The following SH3PXD2B variants were observed in gnomAD, a reference collection of about 807,000 sequenced individuals.
The protein encoded by SH3PXD2B is SH3 and PX domains 2B.
In SH3PXD2B, 37 loss-of-function variants were observed where a neutral mutation model predicts 73.1. The observed-to-expected ratio is 0.51, with a 90% CI of 0.39 to 0.67. SH3PXD2B has a LOEUF of 0.67. Ranked by LOEUF, SH3PXD2B falls within the 30% of genes least tolerant of loss-of-function variation. The pLI is 0.00. For synonymous variants in SH3PXD2B, 457 were observed against 480.5 expected (o/e 0.95, Z 0.64); for missense variants, 1,053 against 1,197.8 (o/e 0.88, Z 1.78).
At chr5:172,370,825 T>C (rs1406108915) in intron 6 of SH3PXD2B, among the ~76,000 whole-genome samples, 1 of 152,232 alleles carries the variant, frequency 6.6e-6, no homozygotes, top group Non-Finnish European at 1.5e-5. Flanking sequence ...GGACGTTTAG[T>C]TGTTAAGTGA....
chr5:172,419,669 C>A (rs1267472112), intron 2 of SH3PXD2B, among the ~76,000 whole-genome samples: 1 of 152,204 alleles, frequency 6.6e-6, no homozygotes, highest in East Asian at 1.9e-4. Context: ...AGGCTGGCTG[C>A]ATTTTCTGCT....
chr5:172,334,266 G>A lies in SH3PXD2B; in HGVS notation c.*4103C>T. 1.9e-6 allele frequency: 2 copies of A among 1,032,488 alleles called. No individual in the cohort carries two copies. The highest frequency in any genetic ancestry group is 3.7e-5 in the South Asian group (1 of 26,694). The allele number at this position is 1,032,488 out of a possible 1,614,324, so 64.0% of individuals were successfully genotyped here. ...AAGGTGCTCTGAAGGAGGTCCATGAGCAGGCAAGGACTGTGGAGCCTCCGG... is the reference window on the plus strand; with the variant it reads ...AAGGTGCTCTGAAGGAGGTCCATGAACAGGCAAGGACTGTGGAGCCTCCGG... On this transcript the variant is annotated 3_prime_UTR_variant, in exon 13 of 13. Transcript: ENST00000311601.
At chr5:172,351,665 A>G (rs1757161237) in intron 9 of SH3PXD2B, among the ~76,000 whole-genome samples, 1 of 152,070 alleles carries the variant, frequency 6.6e-6, no homozygotes, top group African/African-American at 2.4e-5. Flanking sequence ...ATTTACCAGA[A>G]CCCAAAAAAA....
intron 2 of SH3PXD2B, among the ~76,000 whole-genome samples, chr5:172,418,757 T>C (rs1210244134): frequency 3.3e-5 from 5 of 152,148 alleles, no homozygotes; most frequent in African/African-American, 7.2e-5. Flanking sequence ...TGAGCCTGGA[T>C]GAAGTCCTGC....
chr5:172,379,707 T>C (rs1319679716), intron 5 of SH3PXD2B, among the ~76,000 whole-genome samples: 2 of 152,320 alleles, frequency 1.3e-5, no homozygotes, highest in Middle Eastern at 3.4e-3. Flanking sequence ...AATTTTTCCC[T>C]GTGGCAGTCA....
chr5:172,375,964 T>G (rs1370132485), intron 5 of SH3PXD2B, among the ~76,000 whole-genome samples: 1 of 152,152 alleles, frequency 6.6e-6, no homozygotes, highest in African/African-American at 2.4e-5. Flanking sequence ...CCATTTTATA[T>G]TCCCACCAGC....
At chr5:172,358,936 G>C in intron 7 of SH3PXD2B, 59 bp from the exon 8 acceptor site, 1 of 1,488,058 alleles carries the variant, frequency 6.7e-7, no homozygotes, top group East Asian at 2.4e-5. Context: ...CCGGGGGTCA[G>C]AACATAATAA....
chr5:172,379,313 T>TAAAA (rs11346663), intron 5 of SH3PXD2B, among the ~76,000 whole-genome samples: 7 of 112,848 alleles, frequency 6.2e-5, no homozygotes, highest in African/African-American at 1.6e-4. Context: ...TACAAAAAAT[T>TAAAA]AAAAAAAAAA....
chr5:172,348,666 T>TC lies in SH3PXD2B; in HGVS notation c.1013-1335dup, dbSNP rs755015499. On this transcript the variant is annotated intron_variant, in intron 10 of 12. Coordinates refer to ENST00000311601, the MANE Select transcript of SH3PXD2B (RefSeq NM_001017995.3). ...TCTATCTATCTATCCTATCTATCTA[T>TC]CTATCTATCTATCTATCTATCTATC... 2.8e-3 allele frequency among the ~76,000 whole-genome samples: 113 copies of TC among 40,408 alleles called. 1 individual carries two copies. Among genetic ancestry groups the TC allele is most frequent in the African/African-American group, 7.2e-3 (96 of 13,332 alleles). 26.5% of individuals were successfully genotyped at this position (40,408 alleles called of 152,430 possible). A position where few individuals can be genotyped will look rare whatever the true frequency, so the allele number is the denominator to read the frequency against.
intron 11 of SH3PXD2B, 37 bp from the exon 12 acceptor site, chr5:172,346,298 A>C: frequency 6.2e-7 from 1 of 1,612,676 alleles, no homozygotes; most frequent in African/African-American, 1.3e-5. Context: ...TCCAAGGCTA[A>C]GTGCACTCCT....
chr5:172,327,752 G>GTTTTTTTTTTT (rs3053146), intron 12 of SH3PXD2B, among the ~76,000 whole-genome samples: 1 of 142,426 alleles, frequency 7.0e-6, no homozygotes, highest in African/African-American at 2.7e-5. Flanking sequence ...CTGCAACTGG[G>GTTTTTTTTTTT]TTTTTTTTTT....
chr5:172,422,184 G>A (rs925192729), intron 2 of SH3PXD2B, among the ~76,000 whole-genome samples: 3 of 152,062 alleles, frequency 2.0e-5, no homozygotes, highest in Non-Finnish European at 2.9e-5. Context: ...TCGTAGAGAC[G>A]GGGTTTCACC....
Position 172,400,656 on chromosome 5 carries a change from G to A in SH3PXD2B, c.232+5621C>T, listed in dbSNP as rs544744257. ...GTATCACCATAGATCCAGACATTCT[G>A]CTTTACTTACCTCCAACCTGACTGT... On this transcript the variant is annotated intron_variant, in intron 3 of 12. Coordinates refer to ENST00000311601, the MANE Select transcript of SH3PXD2B (RefSeq NM_001017995.3). Among the ~76,000 whole-genome samples, 63 of 152,312 alleles carry A rather than the reference G, an allele frequency of 4.1e-4. 1 individual carries two copies. The highest frequency in any genetic ancestry group is 7.2e-4 in the Non-Finnish European group (49 of 68,028).
Position 172,445,810 on chromosome 5 carries a change from G to T in SH3PXD2B, c.75+8468C>A, listed in dbSNP as rs1321974023. Among the ~76,000 whole-genome samples, 1 of 152,212 alleles carries T rather than the reference G, an allele frequency of 6.6e-6. No individual in the cohort carries two copies. The highest frequency in any genetic ancestry group is 1.5e-5 in the Non-Finnish European group (1 of 68,040). ...GCCCCTCCTCCCTTTACCACCTGAA[G>T]AAGACCCTGGGCTGAGAGTCATGCC... is the stretch of plus-strand genomic sequence containing the variant. On this transcript the variant is annotated intron_variant, in intron 1 of 12. Coordinates refer to ENST00000311601, the MANE Select transcript of SH3PXD2B (RefSeq NM_001017995.3). This position sits in a 1 kb window ranked among gnomAD's most constrained non-coding sequence, Gnocchi z 5.2.
intron 1 of SH3PXD2B, among the ~76,000 whole-genome samples, chr5:172,439,677 T>TGTGC (rs1240428662): frequency 1.6e-5 from 2 of 121,754 alleles, no homozygotes; most frequent in Middle Eastern, 4.5e-3. Flanking sequence ...TGTGCGTGCG[T>TGTGC]GCGCGCACGC....
intron 1 of SH3PXD2B, among the ~76,000 whole-genome samples, chr5:172,423,736 G>A (rs1198517063): frequency 2.6e-5 from 4 of 152,018 alleles, no homozygotes; most frequent in African/African-American, 4.8e-5. Flanking sequence ...ACTGCCTCCC[G>A]GGTTCAAGAG....
At chr5:172,434,778 A>G (rs1373366225) in intron 1 of SH3PXD2B, among the ~76,000 whole-genome samples, 2 of 73,848 alleles carry the variant, frequency 2.7e-5, no homozygotes, top group African/African-American at 1.3e-4. Context: ...TGCAATGGCC[A>G]ATGGTTTTTT....
chr5:172,348,104 T>C (rs978520207), intron 10 of SH3PXD2B, among the ~76,000 whole-genome samples: 4 of 152,230 alleles, frequency 2.6e-5, no homozygotes, highest in Non-Finnish European at 4.4e-5. Flanking sequence ...TTTACCTGTC[T>C]TCTGTTAGAA....
At chr5:172,348,331 C>CT (rs563747821) in intron 10 of SH3PXD2B, among the ~76,000 whole-genome samples, 62 of 146,040 alleles carry the variant, frequency 4.2e-4, no homozygotes, top group Admixed American at 8.9e-4. Context: ...AAAGCAACGC[C>CT]TTTTTTTTTT....
Sources: allele counts gnomAD v4.1 joint callset (sites outside exome capture counted in the v4.1 genomes callset), GRCh38; gene constraint gnomAD v4.1.1; non-coding constraint Gnocchi (gnomAD v3.1); transcripts MANE v1.5; gene names NCBI Gene and HGNC (gene_info 2026-07-23, HGNC 2026-07-21).